Variants in SDK2 observed in about 807,000 individuals in gnomAD.
SDK2 encodes sidekick cell adhesion molecule 2, also known as protein sidekick-2.
SDK2 carries 105 observed loss-of-function variants against 253.9 expected under a neutral mutation model. The ratio of observed to expected loss-of-function variants is 0.41; its 90% confidence interval spans 0.35 to 0.49. SDK2 has a LOEUF of 0.49. Ranked by LOEUF, SDK2 falls within the 20% of genes least tolerant of loss-of-function variation. The pLI, the probability that SDK2 is intolerant of heterozygous loss-of-function variation, is 0.06. For missense variants in SDK2, 2,608 were observed against 3,003.0 expected (o/e 0.87, Z 3.07); for synonymous variants, 1,249 against 1,234.9 (o/e 1.01, Z -0.24).
chr17:73,469,156 C>T (rs1052012290), intron 3 of SDK2, among the ~76,000 whole-genome samples: 9 of 152,182 alleles, frequency 5.9e-5, no homozygotes, highest in African/African-American at 2.2e-4. Context: ...CACTGCCTGT[C>T]ATGGTGATGA....
chr17:73,472,877 G>T (rs1012712805), intron 2 of SDK2, among the ~76,000 whole-genome samples: 2 of 152,172 alleles, frequency 1.3e-5, no homozygotes, highest in African/African-American at 4.8e-5. Context: ...CCCTGCACAA[G>T]TTCTCTCTCT....
intron 12 of SDK2, among the ~76,000 whole-genome samples, chr17:73,428,616 C>T (rs1464375690): frequency 2.0e-5 from 3 of 152,202 alleles, no homozygotes. Context: ...GCTTAGGGAA[C>T]CCTGCTGTGT....
chr17:73,403,914 TAATTA>T (rs1458547817), intron 18 of SDK2, among the ~76,000 whole-genome samples: 1 of 152,198 alleles, frequency 6.6e-6, no homozygotes, highest in Non-Finnish European at 1.5e-5. Flanking sequence ...TAATTTAATT[TAATTA>T]ATGTACATTC....
Position 73,338,090 on chromosome 17 carries a change from A to C in SDK2, c.*497T>G. 4.1e-6 allele frequency: 1 copy of C among 242,174 alleles called. No homozygotes were observed. Among genetic ancestry groups the C allele is most frequent in the South Asian group, 4.3e-5 (1 of 23,012 alleles). 15.0% of individuals were successfully genotyped at this position (242,174 alleles called of 1,614,324 possible). On this transcript the variant is annotated 3_prime_UTR_variant, in exon 45 of 45. Coordinates refer to ENST00000392650, the MANE Select transcript of SDK2 (RefSeq NM_001144952.2). The surrounding 1 kb of genome is among the most constrained non-coding windows in gnomAD (Gnocchi z 5.0). Reference sequence around the variant, plus strand: ...GTGATGGTGCATGGAGGGAAGGAGGAGCAGAGAGAGAAGATAGGCGTGGCC... The same window carrying C: ...GTGATGGTGCATGGAGGGAAGGAGGCGCAGAGAGAGAAGATAGGCGTGGCC...
At chr17:73,514,781 G>C (rs1485657001) in intron 1 of SDK2, among the ~76,000 whole-genome samples, 1 of 152,180 alleles carries the variant, frequency 6.6e-6, no homozygotes, top group Non-Finnish European at 1.5e-5. Flanking sequence ...AACAGGGTGG[G>C]AGCTGGGATT....
At chr17:73,641,037 A>T (rs1212317163) in intron 1 of SDK2, 1 of 152,204 alleles carries the variant, frequency 6.6e-6, no homozygotes, top group African/African-American at 2.4e-5. Context: ...AAGAATCTGC[A>T]TTGCTACAAC....
At chr17:73,420,713 T>C (rs1243290135) in intron 15 of SDK2, among the ~76,000 whole-genome samples, 1 of 151,388 alleles carries the variant, frequency 6.6e-6, no homozygotes, top group East Asian at 1.9e-4. Flanking sequence ...TTCACTCTTG[T>C]CCCCCAGGCT....
chr17:73,636,151 G>A (rs897062963), intron 1 of SDK2, among the ~76,000 whole-genome samples: 1 of 152,166 alleles, frequency 6.6e-6, no homozygotes, highest in Non-Finnish European at 1.5e-5. Context: ...AGTGGAAAGA[G>A]GACAGATGTT....
chr17:73,554,441 T>G (rs889181331), intron 1 of SDK2, among the ~76,000 whole-genome samples: 14 of 152,316 alleles, frequency 9.2e-5, no homozygotes, highest in East Asian at 3.9e-4. Context: ...GCTGAAGTCC[T>G]TATAAGCAGA....
intron 1 of SDK2, among the ~76,000 whole-genome samples, chr17:73,549,945 T>G (rs2045027874): frequency 6.6e-6 from 1 of 152,002 alleles, no homozygotes; most frequent in Non-Finnish European, 1.5e-5. Context: ...GTGACCAGAA[T>G]CTGGAATGAG....
intron 21 of SDK2, 64 bp downstream of exon 21, chr17:73,400,956 G>A (rs1476832190): frequency 1.0e-5 from 15 of 1,460,888 alleles, no homozygotes; most frequent in Non-Finnish European, 1.4e-5. Context: ...CCGACAAGGG[G>A]CCTCTTGAAT....
intron 3 of SDK2, among the ~76,000 whole-genome samples, chr17:73,469,718 AG>A (rs1190984301): frequency 6.6e-6 from 1 of 152,050 alleles, no homozygotes; most frequent in East Asian, 1.9e-4. Flanking sequence ...TTGCCTAAGG[AG>A]GGGGATCAAG....
chr17:73,524,641 A>T (rs557198435), intron 1 of SDK2, among the ~76,000 whole-genome samples: 8 of 152,214 alleles, frequency 5.3e-5, no homozygotes, highest in African/African-American at 1.7e-4. Context: ...AGGGCCAGGC[A>T]CCTCTGTGCT....
intron 41 of SDK2, among the ~76,000 whole-genome samples, chr17:73,351,132 G>C (rs1027623751): frequency 6.6e-6 from 1 of 150,478 alleles, no homozygotes; most frequent in African/African-American, 2.4e-5. Flanking sequence ...TTTTTGAGAC[G>C]GAGTTTCACT....
chr17:73,554,220 C>T (rs2045108639), intron 1 of SDK2, among the ~76,000 whole-genome samples: 1 of 152,208 alleles, frequency 6.6e-6, no homozygotes, highest in Admixed American at 6.5e-5. Context: ...GCCAGGCACA[C>T]AGGGGCAGCT....
Position 73,391,488 on chromosome 17 carries a change from C to T in SDK2, c.3949G>A (p.Val1317Met), listed in dbSNP as rs143947190. 41 of 1,309,548 alleles carry T rather than the reference C, an allele frequency of 3.1e-5. No individual in the cohort carries two copies. In the South Asian group the frequency reaches 8.8e-4, roughly 28 times the overall value. The allele number at this position is 1,309,548 out of a possible 1,614,324, so 81.1% of individuals were successfully genotyped here. A position where few individuals can be genotyped will look rare whatever the true frequency, so the allele number is the denominator to read the frequency against. Reference protein sequence around the residue: ...ILFPEVRTTSVRLIWQPPAAP... With the variant: ...ILFPEVRTTSMRLIWQPPAAP... ...GCAGGGGGCTGCCAGATCAGCCGCA[C>T]AGACGTGGTCCGCACCTCTGGGAAC... Residue 1317 changes from valine (V) to methionine (M), a missense_variant, in exon 28 of 45, where the codon GTG (valine) becomes ATG (methionine). Val to Met is a conservative substitution (Grantham distance 21, BLOSUM62 1). This residue lies in a region of SDK2 where 1,505 missense variants were observed against 1,859.1 expected (regional missense o/e 0.81). Coordinates refer to ENST00000392650, the MANE Select transcript of SDK2 (RefSeq NM_001144952.2).
chr17:73,572,074 TA>T (rs1410617599), intron 1 of SDK2, among the ~76,000 whole-genome samples: 1 of 152,182 alleles, frequency 6.6e-6, no homozygotes, highest in African/African-American at 2.4e-5. Flanking sequence ...TTCTGGGGCC[TA>T]AACTGCAGGC....
chr17:73,568,063 C>A (rs1052865814), intron 1 of SDK2, among the ~76,000 whole-genome samples: 1 of 152,128 alleles, frequency 6.6e-6, no homozygotes, highest in Admixed American at 6.5e-5. Flanking sequence ...GATATGTGTC[C>A]CCTCCAAATC....
chr17:73,419,266 T>G lies in SDK2; in HGVS notation c.2086A>C (p.Asn696His). Residue 696 changes from asparagine (N) to histidine (H), a missense_variant, in exon 16 of 45, where the codon AAC becomes CAC. Physicochemically the swap from Asn to His is moderately conservative, Grantham distance 68. This residue lies in a region of SDK2 where 1,505 missense variants were observed against 1,859.1 expected (regional missense o/e 0.81). Coordinates refer to ENST00000392650, the MANE Select transcript of SDK2 (RefSeq NM_001144952.2). ...TTGGTTCGACCGCTGGCGATGACGT[T>G]CTGTGGAGGGGCCGTGGGGGGCTCC... ...PEEPPTAPPQ[N>H]VIASGRTNQS... 2 of 1,613,070 alleles carry G rather than the reference T, an allele frequency of 1.2e-6. No homozygotes were observed. Among genetic ancestry groups the G allele is most frequent in the Non-Finnish European group, 1.7e-6 (2 of 1,179,692 alleles).
Sources: allele counts gnomAD v4.1 joint callset (sites outside exome capture counted in the v4.1 genomes callset), GRCh38; gene constraint gnomAD v4.1.1; regional missense constraint gnomAD v4.1.1; non-coding constraint Gnocchi (gnomAD v3.1); transcripts MANE v1.5; gene names NCBI Gene and HGNC (gene_info 2026-07-23, HGNC 2026-07-21).